XPO5: variants seen among roughly 807,000 people sequenced by gnomAD.
The protein encoded by XPO5 is exportin-5.
In XPO5, 46 loss-of-function variants were observed where a neutral mutation model predicts 160.6. The ratio of observed to expected loss-of-function variants is 0.29; its 90% CI spans 0.23 to 0.37. The LOEUF (loss-of-function observed/expected upper bound fraction) is 0.37, where lower values mean the gene tolerates loss of function less well. XPO5 is among the 10% of genes least tolerant of loss of function. XPO5 has a pLI of 1.00. For missense variants in XPO5, 1,090 were observed against 1,463.9 expected (o/e 0.74, Z 4.17); for synonymous variants, 537 against 519.3 (o/e 1.03, Z -0.46).
At position 43,524,489 on chromosome 6, in the gene XPO5, G is replaced by A; in HGVS notation, c.3459C>T (p.Leu1153=). The change falls in exon 31 of 32, where the codon CTC becomes CTT. Residue 1153 remains leucine, a synonymous_variant. Transcript: ENST00000265351. The part of the protein sequence containing the change: ...DKRRKDQFKR[L]IAGCIGKPLG... The stretch of plus-strand genomic sequence containing the variant: ...GACCTACCCCAATGCAACCAGCAAT[G>A]AGGCGTTTGAATTGGTCCTTTCGGC... 1.2e-6 allele frequency: 2 copies of A among 1,613,688 alleles called. No homozygotes were observed. The highest frequency in any genetic ancestry group is 8.5e-7 in the Non-Finnish European group (1 of 1,179,890).
intron 14 of XPO5, among the ~76,000 whole-genome samples, chr6:43,551,681 T>C (rs1346449276): frequency 2.0e-5 from 3 of 152,144 alleles, no homozygotes; most frequent in Non-Finnish European, 4.4e-5. Flanking sequence ...GGCACCACCA[T>C]GCCTGGATAC....
chr6:43,548,556 TC>T, intron 17 of XPO5, 96 bp from the exon 18 acceptor site: 2 of 1,175,308 alleles, frequency 1.7e-6, no homozygotes. Context: ...ACCAAAGCAG[TC>T]CCAGGAAAGT....
intron 6 of XPO5, among the ~76,000 whole-genome samples, chr6:43,568,289 T>A (rs1762807220): frequency 6.9e-6 from 1 of 145,088 alleles, no homozygotes; most frequent in South Asian, 2.2e-4. Context: ...CCTGGGCAAG[T>A]GAGCGAGACT....
intron 8 of XPO5, among the ~76,000 whole-genome samples, chr6:43,562,696 G>A (rs766145487): frequency 4.6e-5 from 7 of 152,106 alleles, no homozygotes; most frequent in Non-Finnish European, 8.8e-5. Context: ...TGGTATTATG[G>A]TGTCCAATGC....
intron 20 of XPO5, among the ~76,000 whole-genome samples, chr6:43,541,528 C>T (rs1290656939): frequency 6.6e-6 from 1 of 152,192 alleles, no homozygotes; most frequent in Non-Finnish European, 1.5e-5. Context: ...GGTTCCAAAA[C>T]GTTTCCATGG....
intron 20 of XPO5, among the ~76,000 whole-genome samples, chr6:43,537,220 C>T (rs1352901754): frequency 6.6e-6 from 1 of 151,284 alleles, no homozygotes; most frequent in Non-Finnish European, 1.5e-5. Flanking sequence ...GATCCTCCTG[C>T]CCTGGCCTCC....
intron 13 of XPO5, 29 bp downstream of exon 13, chr6:43,555,807 A>T (rs1274923072): frequency 6.2e-7 from 1 of 1,613,432 alleles, no homozygotes; most frequent in South Asian, 1.1e-5. Context: ...CTAACATTTC[A>T]CTAACATTCA....
intron 15 of XPO5, 170 bp downstream of exon 15, chr6:43,551,128 T>C (rs926426337): frequency 1.6e-5 from 9 of 565,006 alleles, no homozygotes; most frequent in South Asian, 1.4e-4. Context: ...TGGTTGTGCA[T>C]GCTTGTAGTC....
At chr6:43,535,092 A>G (rs1270421218) in intron 20 of XPO5, among the ~76,000 whole-genome samples, 6 of 151,724 alleles carry the variant, frequency 4.0e-5, no homozygotes, top group African/African-American at 7.3e-5. Context: ...TGAGATCGAG[A>G]CTATCCTGGC....
chr6:43,556,133 A>T, intron 12 of XPO5, 169 bp from the exon 13 acceptor site: 2 of 896,466 alleles, frequency 2.2e-6, no homozygotes. Context: ...TAACGAATCC[A>T]GAAGTTTTTG....
At chr6:43,530,550 A>G (rs1350664885) in intron 23 of XPO5, 138 bp downstream of exon 23, 2 of 1,028,452 alleles carry the variant, frequency 1.9e-6, no homozygotes, top group East Asian at 5.5e-5. Context: ...AGTGTTTTTA[A>G]TGACATGATA....
intron 11 of XPO5, among the ~76,000 whole-genome samples, chr6:43,559,649 C>T (rs375405653): frequency 2.6e-5 from 4 of 152,246 alleles, no homozygotes; most frequent in African/African-American, 9.6e-5. Context: ...ATGGTCACTG[C>T]TCTTGCCCTA....
At chr6:43,559,821 T>C (rs1762311173) in intron 11 of XPO5, among the ~76,000 whole-genome samples, 1 of 152,216 alleles carries the variant, frequency 6.6e-6, no homozygotes, top group Non-Finnish European at 1.5e-5. Flanking sequence ...CAGTCTTTTT[T>C]ATGTTTCCCC....
chr6:43,567,453 T>C, intron 6 of XPO5, 99 bp from the exon 7 acceptor site: 1 of 1,143,668 alleles, frequency 8.7e-7, no homozygotes, highest in East Asian at 2.7e-5. Context: ...CTAAGAAAAT[T>C]ATTTTTTAAG....
chr6:43,527,938 A>C (rs563681512), intron 25 of XPO5, among the ~76,000 whole-genome samples: 83 of 152,362 alleles, frequency 5.4e-4, no homozygotes, highest in African/African-American at 1.9e-3. Flanking sequence ...CAGAATTAAA[A>C]TAAGTGAGTA....
chr6:43,554,229 C>A (rs1368650015), intron 13 of XPO5, among the ~76,000 whole-genome samples: 1 of 152,002 alleles, frequency 6.6e-6, no homozygotes, highest in East Asian at 1.9e-4. Flanking sequence ...CCTCAGCCTC[C>A]CAAGTAGCTG....
At chr6:43,566,823 A>C (rs1762722403) in intron 7 of XPO5, among the ~76,000 whole-genome samples, 1 of 151,688 alleles carries the variant, frequency 6.6e-6, no homozygotes, top group African/African-American at 2.4e-5. Flanking sequence ...AAAAAAAAAA[A>C]AAAAAAAAAA....
chr6:43,573,523 T>C lies in XPO5; in HGVS notation c.184A>G (p.Ile62Val), dbSNP rs1385256437. 3 of 1,613,716 alleles carry C rather than the reference T, an allele frequency of 1.9e-6. No homozygotes were observed. Among genetic ancestry groups the C allele is most frequent in the Non-Finnish European group, 2.5e-6 (3 of 1,179,772 alleles). The change falls in exon 2 of 32, where the codon ATC becomes GTC. Residue 62 changes from isoleucine (I) to valine (V), a missense_variant. Physicochemically the swap from Ile to Val is conservative, Grantham distance 29 (BLOSUM62 3). Coordinates refer to ENST00000265351, the MANE Select transcript of XPO5 (RefSeq NM_020750.3). ...LRLAEKTQVA[I>V]VRHFGLQILE... ...ATCTGAAGGCCAAAATGTCTGACGA[T>C]GGCAACTTGTGTTTTCTCAGCCAAC... is the stretch of plus-strand genomic sequence containing the variant.
chr6:43,575,165 G>A (rs1162418575), intron 1 of XPO5, among the ~76,000 whole-genome samples: 2 of 152,148 alleles, frequency 1.3e-5, no homozygotes, highest in Non-Finnish European at 2.9e-5. Context: ...TTATCTTTGC[G>A]CAAAATAGCC....
Sources: gnomAD v4.1 joint callset for allele counts (sites outside exome capture counted in the v4.1 genomes callset) on GRCh38, gnomAD v4.1.1 for gene constraint, MANE v1.5 for transcripts, NCBI Gene and HGNC (gene_info 2026-07-23, HGNC 2026-07-21) for gene names.